Variants in PUM2 observed in about 807,000 individuals in gnomAD.
The protein encoded by PUM2 is pumilio homolog 2.
PUM2 carries 57 observed loss-of-function variants against 124.5 expected under a neutral mutation model. The observed-to-expected ratio is 0.46, with a 90% CI of 0.37 to 0.57. PUM2 has a LOEUF of 0.57. PUM2 is among the 20% of genes least tolerant of loss of function. The probability of loss-of-function intolerance (pLI) is 0.00; values close to 1 mark genes in which losing one functional copy is unlikely to be tolerated. For missense variants in PUM2, 1,065 were observed against 1,290.6 expected, an observed-to-expected ratio of 0.83 and a Z score of 2.68; for synonymous variants, 460 against 446.1, an observed-to-expected ratio of 1.03 and a Z score of -0.39.
In PUM2 at chr2:20,308,041, G is replaced by C. The variant is rs1678756499; in HGVS notation, c.820C>G (p.Gln274Glu). 6.2e-7 allele frequency: 1 copy of C among 1,613,168 alleles called. No individual in the cohort carries two copies. Among genetic ancestry groups the C allele is most frequent in the Non-Finnish European group, 8.5e-7 (1 of 1,179,318 alleles). The change falls in exon 7 of 21, where the codon CAA becomes GAA. Residue 274 changes from glutamine to glutamate, a missense_variant. Physicochemically the swap from Gln to Glu is conservative, Grantham distance 29. Around this residue, in one of 3 missense-constraint regions of PUM2, gnomAD observed 968 missense variants for 1,159.8 expected, o/e 0.83. Coordinates refer to ENST00000361078, the MANE Select transcript of PUM2 (RefSeq NM_015317.5). Reference sequence around the variant, plus strand: ...TGCTGTTGAGCTGCAGTTAACTGTTGAACTGTTAGTGCATTAGTCCTCTGA... The same window carrying C: ...TGCTGTTGAGCTGCAGTTAACTGTTCAACTGTTAGTGCATTAGTCCTCTGA... ...LFQRTNALTV[Q>E]QLTAAQQQQY...
At chr2:20,311,852 G>C (rs982466084) in intron 4 of PUM2, among the ~76,000 whole-genome samples, 189 bp from the exon 5 acceptor site, 1 of 151,998 alleles carries the variant, frequency 6.6e-6, no homozygotes, top group Non-Finnish European at 1.5e-5. Context: ...ATAACAGAAG[G>C]GCTAAGGCAA....
Position 20,276,043 on chromosome 2 carries a change from A to G in PUM2, c.1957+2540T>C, listed in dbSNP as rs376852945. Among the ~76,000 whole-genome samples the G allele has an allele frequency of 5.9e-5, 9 of 152,192 alleles. No individual in the cohort carries two copies. The South Asian group carries it at 1.9e-3, about 31-fold the overall frequency. On this transcript the variant is annotated intron_variant, in intron 13 of 20. Transcript: ENST00000361078. ...TAGAACCTCAGATATTATACTATAA[A>G]AAATGGAAGAATAAAATTTTTTCAT... is the stretch of plus-strand genomic sequence containing the variant.
chr2:20,335,351 A>T (rs1171564292), intron 1 of PUM2, among the ~76,000 whole-genome samples: 2 of 152,262 alleles, frequency 1.3e-5, no homozygotes, highest in Non-Finnish European at 2.9e-5. Context: ...AAATCTGCCA[A>T]CAAACTTTTT....
chr2:20,311,972 G>A (rs568698904), intron 4 of PUM2, among the ~76,000 whole-genome samples: 2 of 152,192 alleles, frequency 1.3e-5, no homozygotes, highest in South Asian at 4.1e-4. Flanking sequence ...GCACTACCAG[G>A]AATAAGCAAT....
intron 13 of PUM2, among the ~76,000 whole-genome samples, chr2:20,270,667 G>C (rs1350419125): frequency 6.6e-6 from 1 of 152,118 alleles, no homozygotes; most frequent in Non-Finnish European, 1.5e-5. Context: ...CACTGATTGA[G>C]AACAGCCAAA....
chr2:20,349,202 T>G (rs1688830143), intron 1 of PUM2, among the ~76,000 whole-genome samples: 1 of 152,234 alleles, frequency 6.6e-6, no homozygotes, highest in African/African-American at 2.4e-5. Context: ...AATGCGTAAG[T>G]TACTGGCAAT....
intron 1 of PUM2, 116 bp downstream of exon 1, chr2:20,350,481 C>T (rs1194507543): frequency 2.0e-6 from 2 of 985,374 alleles, no homozygotes; most frequent in Non-Finnish European, 2.4e-6. Context: ...ACTCAGCAGG[C>T]CCTATCCGCC....
chr2:20,297,701 T>A, intron 7 of PUM2, 23 bp from the exon 8 acceptor site: 2 of 1,599,204 alleles, frequency 1.3e-6, no homozygotes, highest in Non-Finnish European at 1.7e-6. Context: ...AGGGGAGAAA[T>A]AATAAACAAC....
chr2:20,299,546 T>C (rs570927321), intron 7 of PUM2, among the ~76,000 whole-genome samples: 3 of 152,152 alleles, frequency 2.0e-5, no homozygotes, highest in African/African-American at 4.8e-5. Context: ...CACATGCCTG[T>C]AATCCCAGCT....
At chr2:20,262,655 T>C (rs1303841484) in intron 14 of PUM2, among the ~76,000 whole-genome samples, 3 of 152,242 alleles carry the variant, frequency 2.0e-5, no homozygotes, top group Admixed American at 1.3e-4. Context: ...AGAGAAAATA[T>C]CTTAAATTTA....
chr2:20,349,169 A>C (rs1464123462), intron 1 of PUM2, among the ~76,000 whole-genome samples: 1 of 152,232 alleles, frequency 6.6e-6, no homozygotes, highest in African/African-American at 2.4e-5. Context: ...AGCATGTGTT[A>C]AACACAGCTT....
intron 10 of PUM2, among the ~76,000 whole-genome samples, chr2:20,283,762 A>C (rs1366410289): frequency 6.6e-6 from 1 of 152,196 alleles, no homozygotes; most frequent in Non-Finnish European, 1.5e-5. Flanking sequence ...ACAGGCTATG[A>C]AGGAAGGGCT....
At chr2:20,336,470 G>A (rs1334318998) in intron 1 of PUM2, among the ~76,000 whole-genome samples, 1 of 151,744 alleles carries the variant, frequency 6.6e-6, no homozygotes, top group African/African-American at 2.4e-5. Flanking sequence ...TTACAGGAAT[G>A]AGCCAATGTG....
At chr2:20,323,908 C>CAAAA (rs397984008) in intron 2 of PUM2, among the ~76,000 whole-genome samples, 14 of 58,442 alleles carry the variant, frequency 2.4e-4, no homozygotes, top group East Asian at 6.9e-4. Flanking sequence ...TACGGACTAG[C>CAAAA]AAAAAAAAAA....
chr2:20,311,171 G>C (rs1679512587), intron 5 of PUM2, among the ~76,000 whole-genome samples: 1 of 151,898 alleles, frequency 6.6e-6, no homozygotes. Context: ...AAAAATCAGA[G>C]TAAACCTACA....
chr2:20,252,695 G>A (rs138913433), intron 20 of PUM2, among the ~76,000 whole-genome samples: 12 of 152,242 alleles, frequency 7.9e-5, no homozygotes, highest in Admixed American at 3.3e-4. Context: ...AGGATACAGA[G>A]AGGAAACAGC....
intron 7 of PUM2, among the ~76,000 whole-genome samples, chr2:20,303,459 A>AG (rs1231706197): frequency 6.7e-6 from 1 of 148,324 alleles, no homozygotes; most frequent in African/African-American, 2.5e-5. Flanking sequence ...TTTTCAAAAG[A>AG]GAAAAAAAAA....
upstream of PUM2, among the ~76,000 whole-genome samples, chr2:20,351,083 G>C (rs949786612): frequency 3.3e-5 from 5 of 152,160 alleles, no homozygotes; most frequent in Non-Finnish European, 7.4e-5. Flanking sequence ...GCTCCGCCGC[G>C]GCGGGCTCGG....
rs569339197 is a variant in PUM2 at position 20,298,373 on chromosome 2, A to G, written c.884-695T>C. Among the ~76,000 whole-genome samples, 21 of 152,264 alleles carry G rather than the reference A, an allele frequency of 1.4e-4. No individual in the cohort carries two copies. The East Asian group carries it at 3.7e-3, about 27-fold the overall frequency. On this transcript the variant is annotated intron_variant, in intron 7 of 20. Transcript: ENST00000361078. The stretch of plus-strand genomic sequence containing the variant: ...TCCAGTCAATACGGAAACAAGAAAG[A>G]GCTTAAAGGCCAGTTACACTCACTT...
Sources: gnomAD v4.1 joint callset for allele counts (sites outside exome capture counted in the v4.1 genomes callset) on GRCh38, gnomAD v4.1.1 for gene constraint, gnomAD v4.1.1 regional missense constraint, MANE v1.5 for transcripts, NCBI Gene and HGNC (gene_info 2026-07-23, HGNC 2026-07-21) for gene names.